Variants in COX16 observed in about 807,000 individuals in gnomAD.
COX16 encodes the protein cytochrome c oxidase assembly factor COX16.
In COX16, 12 loss-of-function variants were observed where a neutral mutation model predicts 15.4. The observed-to-expected ratio is 0.78, with a 90% confidence interval of 0.50 to 1.26. The LOEUF (loss-of-function observed/expected upper bound fraction) is 1.26. COX16 is among the 50% of genes most tolerant of loss of function. COX16 has a pLI of 0.00. For missense variants in COX16, 124 were observed against 127.6 expected, an observed-to-expected ratio of 0.97 and a Z score of 0.14; for synonymous variants, 46 against 41.1, an observed-to-expected ratio of 1.12 and a Z score of -0.46.
intron 1 of COX16, among the ~76,000 whole-genome samples, chr14:70,352,698 T>A (rs1886998457): frequency 7.3e-6 from 1 of 136,442 alleles, no homozygotes. Context: ...CAGGCTGGAG[T>A]GCAGTGGCGC....
At chr14:70,336,117 G>A (rs539244120) in intron 2 of COX16, among the ~76,000 whole-genome samples, 74 of 152,192 alleles carry the variant, frequency 4.9e-4, no homozygotes, top group African/African-American at 1.3e-3. Flanking sequence ...TTAGCCGGGC[G>A]TGGTAGCATG....
Position 70,325,137 on chromosome 14 carries a change from C to T in COX16, c.*1196G>A, listed in dbSNP as rs1886026085. 6.6e-6 allele frequency: 1 copy of T among 151,914 alleles called. No individual in the cohort carries two copies. Among genetic ancestry groups the T allele is most frequent in the Non-Finnish European group, 1.5e-5 (1 of 68,016 alleles). The allele number at this position is 151,914 out of a possible 1,614,324, so 9.4% of individuals were successfully genotyped here. A position where few individuals can be genotyped will look rare whatever the true frequency, so the allele number is the denominator to read the frequency against. On this transcript the variant is annotated 3_prime_UTR_variant, in exon 4 of 4. Coordinates refer to ENST00000389912, the MANE Select transcript of COX16 (RefSeq NM_016468.7). ...CTGCTGAAAAGAATACAAATTTTGA[C>T]TAGGAGGAGAAAGGGGGAGTGGATT... is the stretch of plus-strand genomic sequence containing the variant.
At chr14:70,358,371 ATTTTTTTT>A (rs34871293) in intron 1 of COX16, among the ~76,000 whole-genome samples, 5 of 94,072 alleles carry the variant, frequency 5.3e-5, no homozygotes, top group Middle Eastern at 7.0e-3. Flanking sequence ...AAAAACAACA[ATTTTTTTT>A]TTTTTTTTTT....
intron 1 of COX16, among the ~76,000 whole-genome samples, chr14:70,345,884 A>G (rs1376217094): frequency 6.6e-6 from 1 of 151,216 alleles, no homozygotes; most frequent in Non-Finnish European, 1.5e-5. Flanking sequence ...CCTCTCAACC[A>G]TCTTTTTTAA....
At chr14:70,326,538 G>GT in intron 3 of COX16, 89 bp from the exon 4 acceptor site, 11 of 974,654 alleles carry the variant, frequency 1.1e-5, no homozygotes, top group Non-Finnish European at 1.4e-5. Context: ...GAATAAATGA[G>GT]TAGAAAGTAT....
At chr14:70,346,630 G>A (rs996649541) in intron 1 of COX16, among the ~76,000 whole-genome samples, 4 of 152,156 alleles carry the variant, frequency 2.6e-5, no homozygotes, top group Non-Finnish European at 5.9e-5. Context: ...AACTACCATC[G>A]CTTCATCCGA....
At chr14:70,331,942 G>T (rs368040199) in intron 2 of COX16, among the ~76,000 whole-genome samples, 9 of 152,234 alleles carry the variant, frequency 5.9e-5, no homozygotes, top group South Asian at 2.1e-4. Context: ...GTAGGAGGTT[G>T]TCAAACCCTG....
At chr14:70,349,078 C>G (rs1252501253) in intron 1 of COX16, among the ~76,000 whole-genome samples, 1 of 152,164 alleles carries the variant, frequency 6.6e-6, no homozygotes, top group Non-Finnish European at 1.5e-5. Context: ...ACTCTCAAAG[C>G]CTTCCTCATC....
intron 1 of COX16, among the ~76,000 whole-genome samples, chr14:70,354,588 C>T (rs1594928354): frequency 6.6e-6 from 1 of 152,340 alleles, no homozygotes; most frequent in South Asian, 2.1e-4. Context: ...ATGCCCTGAT[C>T]CCATGGGGAC....
At chr14:70,353,923 C>A (rs1385050073) in intron 1 of COX16, among the ~76,000 whole-genome samples, 1 of 151,902 alleles carries the variant, frequency 6.6e-6, no homozygotes, top group African/African-American at 2.4e-5. Flanking sequence ...ACCAACAAAA[C>A]CTTGAGGTTA....
intron 1 of COX16, among the ~76,000 whole-genome samples, chr14:70,355,773 T>C (rs1189357998): frequency 1.3e-5 from 2 of 152,214 alleles, no homozygotes; most frequent in Non-Finnish European, 2.9e-5. Flanking sequence ...CCAAACCTCC[T>C]GTTGAAATCT....
chr14:70,355,270 T>C (rs1470800353), intron 1 of COX16, among the ~76,000 whole-genome samples: 2 of 152,194 alleles, frequency 1.3e-5, no homozygotes, highest in Admixed American at 6.5e-5. Context: ...TTTCATACAA[T>C]TGATCACACT....
chr14:70,325,429 A>G lies in COX16; in HGVS notation c.*904T>C, dbSNP rs1886035736. The stretch of plus-strand genomic sequence containing the variant: ...ACCCCATCTCTACTAAATACAAAAA[A>G]TTAGCCGGGTGTGACAGCATGTGCC... On this transcript the variant is annotated 3_prime_UTR_variant, in exon 4 of 4. Transcript: ENST00000389912. 2 of 152,230 alleles carry G rather than the reference A, an allele frequency of 1.3e-5. No homozygotes were observed. Among genetic ancestry groups the G allele is most frequent in the Non-Finnish European group, 2.9e-5 (2 of 68,066 alleles). 9.4% of individuals were successfully genotyped at this position (152,230 alleles called of 1,614,324 possible).
At chr14:70,328,071 GATTTTTTT>G (rs1886142267) in intron 3 of COX16, 1 of 59,108 alleles carries the variant, frequency 1.7e-5, no homozygotes, top group Admixed American at 2.0e-4. Flanking sequence ...CTGAGAATAA[GATTTTTTT>G]TTTTTTTTTT....
chr14:70,328,735 A>AAATT (rs1380105283), intron 3 of COX16, among the ~76,000 whole-genome samples: 1 of 152,340 alleles, frequency 6.6e-6, no homozygotes, highest in East Asian at 1.9e-4. Flanking sequence ...ATATTTAAGT[A>AAATT]AATTAATGTG....
chr14:70,355,795 T>C (rs1887106453), intron 1 of COX16, among the ~76,000 whole-genome samples: 2 of 152,216 alleles, frequency 1.3e-5, no homozygotes, highest in Non-Finnish European at 2.9e-5. Context: ...ACCCCCAATG[T>C]TGGAGGGAAG....
intron 2 of COX16, among the ~76,000 whole-genome samples, chr14:70,334,167 A>T (rs894782639): frequency 6.6e-6 from 1 of 152,214 alleles, no homozygotes; most frequent in Non-Finnish European, 1.5e-5. Flanking sequence ...TTTTATCTTT[A>T]GTAAGACAAA....
intron 2 of COX16, among the ~76,000 whole-genome samples, chr14:70,341,040 G>A (rs2140715740): frequency 6.6e-6 from 1 of 151,982 alleles, no homozygotes; most frequent in South Asian, 2.1e-4. Context: ...CATCTAACAA[G>A]TATTAACACA....
chr14:70,350,709 C>G (rs147267128), intron 1 of COX16, among the ~76,000 whole-genome samples: 86 of 152,282 alleles, frequency 5.6e-4, no homozygotes, highest in Non-Finnish European at 7.1e-4. Context: ...ATTTTACTTT[C>G]TGTTCTCCTA....
Sources: allele counts gnomAD v4.1 joint callset (sites outside exome capture counted in the v4.1 genomes callset), GRCh38; gene constraint gnomAD v4.1.1; transcripts MANE v1.5; gene names NCBI Gene and HGNC (gene_info 2026-07-23, HGNC 2026-07-21).